SCFD2: variants seen among roughly 807,000 people sequenced by gnomAD.
The protein encoded by SCFD2 is sec1 family domain containing 2.
A neutral mutation model predicts 58.9 loss-of-function variants in SCFD2; 54 were observed. The ratio of observed to expected loss-of-function variants is 0.92; its 90% CI spans 0.74 to 1.15. SCFD2 has a LOEUF of 1.15. Among genes scored for constraint, SCFD2 ranks in the 50% most tolerant of loss-of-function variants. The pLI, the probability that SCFD2 is intolerant of heterozygous loss-of-function variation, is 0.00. For synonymous variants in SCFD2, 321 were observed against 335.9 expected (o/e 0.96, Z 0.49); for missense variants, 805 against 836.6 (o/e 0.96, Z 0.47).
intron 2 of SCFD2, among the ~76,000 whole-genome samples, chr4:53,349,471 A>T (rs1326446352): frequency 6.6e-6 from 1 of 152,236 alleles, no homozygotes; most frequent in East Asian, 1.9e-4. Context: ...TGCAGCAGTT[A>T]TCAGACTCAA....
chr4:52,886,014 TG>T, intron 7 of SCFD2, 148 bp from the exon 8 acceptor site: 1 of 947,818 alleles, frequency 1.1e-6, no homozygotes, highest in Non-Finnish European at 1.6e-6. Context: ...CAGACAGGGG[TG>T]GGTCCCTGGT....
At chr4:52,994,496 G>C (rs994396818) in intron 5 of SCFD2, among the ~76,000 whole-genome samples, 87 of 152,200 alleles carry the variant, frequency 5.7e-4, no homozygotes, top group African/African-American at 2.0e-3. Context: ...CCACTGGTCA[G>C]TGAGAGATCT....
chr4:53,251,610 T>A (rs1359621807), intron 4 of SCFD2, among the ~76,000 whole-genome samples: 1 of 152,152 alleles, frequency 6.6e-6, no homozygotes, highest in Non-Finnish European at 1.5e-5. Flanking sequence ...ATCCAGCATA[T>A]AAACAGAACC....
intron 4 of SCFD2, among the ~76,000 whole-genome samples, chr4:53,201,365 T>C (rs918829450): frequency 6.6e-6 from 1 of 152,222 alleles, no homozygotes; most frequent in Non-Finnish European, 1.5e-5. Flanking sequence ...CATCCTTTTT[T>C]ATGGCTCCAT....
rs1560367565 is a variant in SCFD2 at position 53,169,916 on chromosome 4, A to G, written c.1312-24334T>C. On this transcript the variant is annotated intron_variant, in intron 4 of 8. Coordinates refer to ENST00000401642, the MANE Select transcript of SCFD2 (RefSeq NM_152540.4). ...CCATTGAGATGTTTCGGTTCCTTAA[A>G]TATTCTGGATATTACAGATGTATCC... Among the ~76,000 whole-genome samples the G allele has an allele frequency of 2.0e-5, 3 of 152,168 alleles. 1 individual carries two copies. The highest frequency in any genetic ancestry group is 7.2e-5 in the African/African-American group (3 of 41,444).
intron 5 of SCFD2, among the ~76,000 whole-genome samples, chr4:53,043,506 A>G (rs1279701633): frequency 6.6e-6 from 1 of 152,222 alleles, no homozygotes; most frequent in Non-Finnish European, 1.5e-5. Flanking sequence ...TAAATTGAAG[A>G]AATATAAAGT....
intron 5 of SCFD2, among the ~76,000 whole-genome samples, chr4:52,947,007 C>T (rs1250345243): frequency 6.6e-6 from 1 of 152,128 alleles, no homozygotes; most frequent in Non-Finnish European, 1.5e-5. Flanking sequence ...TGCCCTGGTG[C>T]ATGTGAGCGC....
At chr4:53,286,455 C>T (rs992805415) in intron 3 of SCFD2, among the ~76,000 whole-genome samples, 5 of 151,948 alleles carry the variant, frequency 3.3e-5, no homozygotes, top group African/African-American at 4.8e-5. Context: ...AGCATCCCAG[C>T]CTCTGGGACC....
At chr4:52,939,553 T>G (rs1295582250) in intron 5 of SCFD2, among the ~76,000 whole-genome samples, 1 of 152,128 alleles carries the variant, frequency 6.6e-6, no homozygotes, top group Non-Finnish European at 1.5e-5. Context: ...TTACTATGTG[T>G]CAGGCATTGT....
intron 4 of SCFD2, among the ~76,000 whole-genome samples, chr4:53,250,027 C>T (rs1004357947): frequency 5.2e-4 from 79 of 152,218 alleles, no homozygotes; most frequent in African/African-American, 1.7e-3. Context: ...AGAGTCAAGA[C>T]CCATCAGTGT....
intron 5 of SCFD2, among the ~76,000 whole-genome samples, chr4:53,089,985 T>G (rs1457435387): frequency 6.6e-6 from 1 of 152,218 alleles, no homozygotes; most frequent in Non-Finnish European, 1.5e-5. Flanking sequence ...TATATTTGCT[T>G]CTTCTGCAGA....
At chr4:53,287,316 C>G (rs1731700500) in intron 3 of SCFD2, among the ~76,000 whole-genome samples, 1 of 152,186 alleles carries the variant, frequency 6.6e-6, no homozygotes, top group South Asian at 2.1e-4. Context: ...TGGACCATGT[C>G]AGACCTGGCA....
At chr4:52,893,322 C>A (rs1363874530) in intron 7 of SCFD2, among the ~76,000 whole-genome samples, 1 of 152,100 alleles carries the variant, frequency 6.6e-6, no homozygotes, top group Non-Finnish European at 1.5e-5. Context: ...CCTCCTGCCT[C>A]AGCCTCCCCA....
chr4:53,287,646 C>T (rs1287630378), intron 3 of SCFD2, among the ~76,000 whole-genome samples: 1 of 152,156 alleles, frequency 6.6e-6, no homozygotes, highest in African/African-American at 2.4e-5. Context: ...CTACCAGATA[C>T]ACAGACATCA....
intron 3 of SCFD2, among the ~76,000 whole-genome samples, chr4:53,278,946 CA>C (rs1731426014): frequency 6.7e-6 from 1 of 149,212 alleles, no homozygotes; most frequent in Admixed American, 6.7e-5. Flanking sequence ...ATAACCTTAC[CA>C]AAAGCAAATG....
At chr4:53,151,645 ACACT>A (rs979985805) in intron 4 of SCFD2, among the ~76,000 whole-genome samples, 2 of 152,186 alleles carry the variant, frequency 1.3e-5, no homozygotes, top group African/African-American at 4.8e-5. Flanking sequence ...CAGCCTGAAA[ACACT>A]CAGTAAAACT....
intron 5 of SCFD2, among the ~76,000 whole-genome samples, chr4:53,045,906 T>C (rs1723026957): frequency 6.6e-6 from 1 of 151,042 alleles, no homozygotes; most frequent in Admixed American, 6.7e-5. Context: ...AAAATATAAA[T>C]GTTTACTATT....
chr4:53,226,002 G>T (rs1212481312), intron 4 of SCFD2, among the ~76,000 whole-genome samples: 1 of 152,008 alleles, frequency 6.6e-6, no homozygotes, highest in Non-Finnish European at 1.5e-5. Context: ...TGATCTCGCT[G>T]TATTGCCCAG....
At position 53,331,400 on chromosome 4, in the gene SCFD2, C is replaced by G. The variant is rs1048487641; in HGVS notation, c.1008-17637G>C. On this transcript the variant is annotated intron_variant, in intron 2 of 8. Coordinates refer to ENST00000401642, the MANE Select transcript of SCFD2 (RefSeq NM_152540.4). ...ACAGAAATTATAATGAACTATCTCT[C>G]AGACCACAGTGCAATCAAACTAGAA... 1.4e-4 allele frequency among the ~76,000 whole-genome samples: 21 copies of G among 152,318 alleles called. 1 individual carries two copies. The highest frequency in any genetic ancestry group is 4.3e-4 in the African/African-American group (18 of 41,574).
Sources: gnomAD v4.1 joint callset for allele counts (sites outside exome capture counted in the v4.1 genomes callset) on GRCh38, gnomAD v4.1.1 for gene constraint, MANE v1.5 for transcripts, NCBI Gene and HGNC (gene_info 2026-07-23, HGNC 2026-07-21) for gene names.